Variants in RBM33 observed in about 807,000 individuals in gnomAD.
The protein encoded by RBM33 is RNA-binding protein 33.
A neutral mutation model predicts 132.6 loss-of-function variants in RBM33; 28 were observed. The observed-to-expected ratio is 0.21, with a 90% CI of 0.16 to 0.29. RBM33 has a LOEUF of 0.29. Ranked by LOEUF, RBM33 falls within the 10% of genes least tolerant of loss-of-function variation. RBM33 has a pLI of 1.00. For missense variants in RBM33, 1,291 were observed against 1,518.5 expected, an observed-to-expected ratio of 0.85 and a Z score of 2.49; for synonymous variants, 634 against 593.0, an observed-to-expected ratio of 1.07 and a Z score of -1.01.
intron 7 of RBM33, among the ~76,000 whole-genome samples, chr7:155,709,551 A>G (rs908826650): frequency 6.6e-6 from 1 of 152,114 alleles, no homozygotes; most frequent in African/African-American, 2.4e-5. Context: ...CTCCAGACAC[A>G]TGTTTCACAG....
rs1303817119 is a variant in RBM33, at chr7:155,780,731, T to TC, written c.*5692dup. ...TCTGCTCCGCCTCAGCCTTGAGAAC[T>TC]CCACGTGGGCTGGGTGGGAAGGTGC... On this transcript the variant is annotated 3_prime_UTR_variant, in exon 18 of 18. Transcript: ENST00000401878. 1 of 152,338 alleles carries TC rather than the reference T, an allele frequency of 6.6e-6. No homozygotes were observed. Among genetic ancestry groups the TC allele is most frequent in the African/African-American group, 2.4e-5 (1 of 41,456 alleles). The allele number at this position is 152,338 out of a possible 1,614,324, so 9.4% of individuals were successfully genotyped here.
At chr7:155,685,142 C>A (rs993232608) in intron 5 of RBM33, 2 of 1,306,574 alleles carry the variant, frequency 1.5e-6, no homozygotes, top group Non-Finnish European at 1.0e-6. Context: ...TAGCGAAAGT[C>A]GATACGTATC....
intron 13 of RBM33, among the ~76,000 whole-genome samples, chr7:155,742,992 C>A (rs1011013690): frequency 2.0e-5 from 3 of 152,210 alleles, no homozygotes; most frequent in African/African-American, 7.2e-5. Flanking sequence ...AGAATTTAGG[C>A]AAGTCATGCT....
At chr7:155,738,029 C>T in intron 10 of RBM33, 31 bp from the exon 11 acceptor site, 1 of 1,572,332 alleles carries the variant, frequency 6.4e-7, no homozygotes, top group East Asian at 2.2e-5. Flanking sequence ...TCTTTTTAAC[C>T]TGAAGTTAAT....
At chr7:155,728,736 A>G (rs901391705) in intron 9 of RBM33, among the ~76,000 whole-genome samples, 7 of 152,202 alleles carry the variant, frequency 4.6e-5, no homozygotes, top group Non-Finnish European at 8.8e-5. Context: ...TGATGATAAA[A>G]CATATGATTA....
chr7:155,706,506 G>A (rs981111130), intron 6 of RBM33, among the ~76,000 whole-genome samples: 22 of 152,066 alleles, frequency 1.4e-4, no homozygotes, highest in African/African-American at 5.1e-4. Flanking sequence ...GGGGAAAAAG[G>A]ATGGGACTGC....
chr7:155,742,187 A>G (rs1801365766), intron 13 of RBM33, 81 bp downstream of exon 13: 1 of 1,313,888 alleles, frequency 7.6e-7, no homozygotes, highest in Non-Finnish European at 1.0e-6. Context: ...GTTCACTCTC[A>G]CTAAGTTATT....
rs779325564 is a variant in RBM33 at position 155,739,950 on chromosome 7, G to A, written c.1973G>A (p.Arg658Gln). 7.1e-6 allele frequency: 11 copies of A among 1,556,182 alleles called. No individual in the cohort carries two copies. Among genetic ancestry groups the A allele is most frequent in the African/African-American group, 5.5e-5 (4 of 73,124 alleles). ...ATGCCGATGTCTCAGCCACAGTTCC[G>A]GCCTCACGTACAGACCGCTCAGCCT... is the stretch of plus-strand genomic sequence containing the variant. Reference protein sequence around the residue: ...PLMPMSQPQFRPHVQTAQPQA... With the variant: ...PLMPMSQPQFQPHVQTAQPQA... Residue 658 changes from arginine (R) to glutamine (Q), a missense_variant, in exon 12 of 18, where the codon CGG becomes CAG. Transcript: ENST00000401878.
rs1309950888 is a variant in RBM33, at chr7:155,672,853, T to G, written c.123-14T>G. On this transcript the variant is annotated splice_polypyrimidine_tract_variant and intron_variant, in intron 2 of 17. Transcript: ENST00000401878. ...GGGAATAATCATTGACATGTCTCTT[T>G]TTTTTCTCCCAAGTGAACTTGAAGA... The G allele has an allele frequency of 5.2e-6, 8 of 1,544,270 alleles. No individual in the cohort carries two copies. The highest frequency in any genetic ancestry group is 7.0e-6 in the Non-Finnish European group (8 of 1,142,276).
rs201796175 is a variant in RBM33, at chr7:155,711,544, C to CT, written c.1201+91dup. The CT allele has an allele frequency of 1.8e-3, 1,419 of 784,390 alleles. 21 individuals carry two copies. In the African/African-American group the frequency reaches 0.024, roughly 13 times the overall value. 48.6% of individuals were successfully genotyped at this position (784,390 alleles called of 1,614,324 possible). On this transcript the variant is annotated intron_variant, in intron 8 of 17. Coordinates refer to ENST00000401878, the MANE Select transcript of RBM33 (RefSeq NM_053043.3). ...GATTTTTCCACTGACGCGTTTTTGA[C>CT]TTCATGAGTGTGTGAAAGCAGTATG...
rs1802784589 is a variant in RBM33, at chr7:155,780,621, T to G, written c.*5580T>G. On this transcript the variant is annotated 3_prime_UTR_variant, in exon 18 of 18. Transcript: ENST00000401878. Reference sequence around the variant, plus strand: ...CTGTCCCATTCCAAGACTCACTCTCTCAGACCTTCCCATCTCCCTGGCTTT... The same window carrying G: ...CTGTCCCATTCCAAGACTCACTCTCGCAGACCTTCCCATCTCCCTGGCTTT... 1 of 152,620 alleles carries G rather than the reference T, an allele frequency of 6.6e-6. No homozygotes were observed. Among genetic ancestry groups the G allele is most frequent in the Non-Finnish European group, 1.5e-5 (1 of 68,340 alleles). The allele number at this position is 152,620 out of a possible 1,614,324, so 9.5% of individuals were successfully genotyped here. A position where few individuals can be genotyped will look rare whatever the true frequency, so the allele number is the denominator to read the frequency against.
chr7:155,730,330 A>G (rs1800918855), intron 9 of RBM33, among the ~76,000 whole-genome samples: 1 of 152,228 alleles, frequency 6.6e-6, no homozygotes. Context: ...GGTTTTTACC[A>G]TATATGGAAA....
chr7:155,711,006 TGAA>T (rs1800270247), intron 7 of RBM33, among the ~76,000 whole-genome samples, 194 bp from the exon 8 acceptor site: 3 of 152,042 alleles, frequency 2.0e-5, no homozygotes, highest in Admixed American at 6.5e-5. Flanking sequence ...GCCCTCATTG[TGAA>T]GAAGTAGAGA....
At position 155,774,490 on chromosome 7, in the gene RBM33, A is replaced by G. The variant is rs1462679808; in HGVS notation, c.3376-69A>G. Reference sequence around the variant, plus strand: ...TTTTGTGTTAAAACTAATAATGCTTAAATATATATATTCATATTTTTTATT... The same window carrying G: ...TTTTGTGTTAAAACTAATAATGCTTGAATATATATATTCATATTTTTTATT... On this transcript the variant is annotated intron_variant, in intron 16 of 17. Transcript: ENST00000401878. The surrounding 1 kb of genome is among the most constrained non-coding windows in gnomAD (Gnocchi z 4.2). The G allele has an allele frequency of 8.8e-7, 1 of 1,141,722 alleles. No individual in the cohort carries two copies. The highest frequency in any genetic ancestry group is 1.8e-5 in the Admixed American group (1 of 56,658). The allele number at this position is 1,141,722 out of a possible 1,614,324, so 70.7% of individuals were successfully genotyped here.
At chr7:155,693,332 C>CT (rs11417256) in intron 5 of RBM33, among the ~76,000 whole-genome samples, 93,980 of 146,660 alleles carry the variant, frequency 0.64, 30,682 homozygotes, top group South Asian at 0.77. Flanking sequence ...ATTTTTTTTT[C>CT]TTTTTTTTTT....
chr7:155,704,662 C>A (rs1033218179), intron 6 of RBM33, among the ~76,000 whole-genome samples: 3 of 152,146 alleles, frequency 2.0e-5, no homozygotes, highest in Non-Finnish European at 4.4e-5. Flanking sequence ...AGAAAGACTG[C>A]ATTTATTTTT....
In RBM33 at chr7:155,738,275, C is replaced by G. The variant is rs775223007; in HGVS notation, c.1609C>G (p.Pro537Ala). ...PVRPALQPPG[P>A]VGILHFSQPG... Reference sequence around the variant, plus strand: ...ACGACCAGCCTTGCAGCCTCCAGGTCCGGTGGGGATTCTGCACTTTAGCCA... The same window carrying G: ...ACGACCAGCCTTGCAGCCTCCAGGTGCGGTGGGGATTCTGCACTTTAGCCA... The change falls in exon 11 of 18, where the codon CCG (proline) becomes GCG (alanine). Residue 537 changes from proline to alanine, a missense_variant. By Grantham distance (27) the Pro-to-Ala change is conservative. Transcript: ENST00000401878. 5.0e-6 allele frequency: 8 copies of G among 1,613,970 alleles called. No homozygotes were observed. The highest frequency in any genetic ancestry group is 6.8e-6 in the Non-Finnish European group (8 of 1,179,886).
At chr7:155,747,031 A>G (rs1411058883) in intron 14 of RBM33, among the ~76,000 whole-genome samples, 3 of 152,216 alleles carry the variant, frequency 2.0e-5, no homozygotes, top group Admixed American at 6.5e-5. Context: ...TTTTATTTCT[A>G]GGTTTGTAGA....
intron 15 of RBM33, among the ~76,000 whole-genome samples, chr7:155,764,429 T>G (rs1164020564): frequency 6.6e-6 from 1 of 152,198 alleles, no homozygotes; most frequent in Non-Finnish European, 1.5e-5. Context: ...CAGGGGAAAC[T>G]GAGGTCTTTA....
Sources: allele counts gnomAD v4.1 joint callset (sites outside exome capture counted in the v4.1 genomes callset), GRCh38; gene constraint gnomAD v4.1.1; non-coding constraint Gnocchi (gnomAD v3.1); transcripts MANE v1.5; gene names NCBI Gene and HGNC (gene_info 2026-07-23, HGNC 2026-07-21).